The following CPNE8 variants were observed in gnomAD, a reference collection of about 807,000 sequenced individuals.
CPNE8 encodes the protein copine-8.
Under a neutral mutation model 81.5 loss-of-function variants are expected in CPNE8, and 45 were observed. The ratio of observed to expected loss-of-function variants is 0.55; its 90% CI spans 0.44 to 0.71. CPNE8 has a LOEUF of 0.71. CPNE8 is among the 30% of genes least tolerant of loss of function. CPNE8 has a pLI of 0.00. For missense variants in CPNE8, 594 were observed against 672.1 expected (o/e 0.88, Z 1.28); for synonymous variants, 252 against 226.3 (o/e 1.11, Z -1.02).
Position 38,693,725 on chromosome 12 carries a change from T to G in CPNE8, c.1075A>C (p.Met359Leu). ...EIVQDYDSDK[M>L]FPALGFGAKL... ...GCACCAAATCCTAGAGCTGGAAACA[T>G]TTTATCACTGTCATAATCTTGAACA... The change falls in exon 15 of 20, where the codon ATG becomes CTG. Residue 359 changes from methionine to leucine, a missense_variant. Transcript: ENST00000331366. The G allele has an allele frequency of 6.2e-7, 1 of 1,613,682 alleles. No homozygotes were observed. Among genetic ancestry groups the G allele is most frequent in the Non-Finnish European group, 8.5e-7 (1 of 1,179,720 alleles).
intron 6 of CPNE8, among the ~76,000 whole-genome samples, chr12:38,812,378 G>A (rs1234191354): frequency 6.6e-6 from 1 of 152,184 alleles, no homozygotes; most frequent in African/African-American, 2.4e-5. Flanking sequence ...GTTCAGCATG[G>A]CTGGAGAGGC....
intron 7 of CPNE8, 74 bp downstream of exon 7, chr12:38,776,164 T>C (rs755210626): frequency 1.9e-5 from 13 of 680,818 alleles, no homozygotes; most frequent in Non-Finnish European, 2.8e-5. Context: ...TAAAAATTAA[T>C]TAGTTAAGTA....
chr12:38,659,242 T>C (rs1480256093), intron 19 of CPNE8, among the ~76,000 whole-genome samples: 1 of 148,378 alleles, frequency 6.7e-6, no homozygotes, highest in East Asian at 2.0e-4. Flanking sequence ...AAAGCGGGGA[T>C]TGCAATGCTA....
intron 15 of CPNE8, among the ~76,000 whole-genome samples, chr12:38,693,343 C>G (rs1434871321): frequency 6.6e-6 from 1 of 151,978 alleles, no homozygotes; most frequent in East Asian, 1.9e-4. Context: ...TCCTGAGGCA[C>G]AAATCATAAG....
At chr12:38,812,554 C>A (rs1942955505) in intron 6 of CPNE8, among the ~76,000 whole-genome samples, 1 of 152,120 alleles carries the variant, frequency 6.6e-6, no homozygotes, top group African/African-American at 2.4e-5. Context: ...GGTAACCACC[C>A]CCATGATTCA....
intron 1 of CPNE8, among the ~76,000 whole-genome samples, chr12:38,904,471 T>A (rs761706799): frequency 2.6e-5 from 1 of 38,310 alleles, no homozygotes. Flanking sequence ...TTTTTTTTTG[T>A]TTTTTTTTTT....
At position 38,671,759 on chromosome 12, in the gene CPNE8, A is replaced by T. The variant is rs147356264; in HGVS notation, c.1433-957T>A. The stretch of plus-strand genomic sequence containing the variant: ...CTTTACTCTTTTCTTCAGTGCTTAG[A>T]TAATGCATTTGGGTTGAAAACATTG... On this transcript the variant is annotated intron_variant, in intron 18 of 19. Transcript: ENST00000331366. Among the ~76,000 whole-genome samples the T allele has an allele frequency of 7.9e-3, 1,206 of 152,210 alleles. 12 individuals carry two copies. The highest frequency in any genetic ancestry group is 0.041 in the Middle Eastern group (12 of 294).
At chr12:38,696,372 T>TAA (rs58877067) in intron 14 of CPNE8, among the ~76,000 whole-genome samples, 14 of 138,846 alleles carry the variant, frequency 1.0e-4, no homozygotes, top group Admixed American at 2.2e-4. Flanking sequence ...TGTTCTATAC[T>TAA]AAAAAAAAAA....
chr12:38,653,575 G>A lies in CPNE8; in HGVS notation c.*307C>T, dbSNP rs1014471569. On this transcript the variant is annotated 3_prime_UTR_variant, in exon 20 of 20. Coordinates refer to ENST00000331366, the MANE Select transcript of CPNE8 (RefSeq NM_153634.3). ...AATATTTGAGTTAAAAACACAGTTT[G>A]TGCTTTTTCCCAACAATACATTGGA... 4.6e-6 allele frequency: 1 copy of A among 218,286 alleles called. No homozygotes were observed. The highest frequency in any genetic ancestry group is 2.4e-5 in the African/African-American group (1 of 41,250). 13.5% of individuals were successfully genotyped at this position (218,286 alleles called of 1,614,324 possible).
intron 7 of CPNE8, among the ~76,000 whole-genome samples, chr12:38,773,649 A>T (rs771471291): frequency 6.6e-6 from 1 of 152,170 alleles, no homozygotes; most frequent in Non-Finnish European, 1.5e-5. Flanking sequence ...AACTCGTTTT[A>T]AAGAAAAATG....
At chr12:38,774,857 G>A (rs1262469241) in intron 7 of CPNE8, among the ~76,000 whole-genome samples, 1 of 152,100 alleles carries the variant, frequency 6.6e-6, no homozygotes, top group East Asian at 1.9e-4. Flanking sequence ...CAAAGACAAT[G>A]AGCACAACAA....
chr12:38,821,340 T>G (rs903128656), intron 6 of CPNE8, among the ~76,000 whole-genome samples: 30 of 152,158 alleles, frequency 2.0e-4, no homozygotes, highest in African/African-American at 6.0e-4. Context: ...CTAGTAAAGA[T>G]TTGTTGAATA....
intron 10 of CPNE8, among the ~76,000 whole-genome samples, chr12:38,753,728 A>G (rs1268883817): frequency 1.3e-5 from 2 of 152,298 alleles, no homozygotes; most frequent in South Asian, 4.1e-4. Context: ...AGGTGAGTAC[A>G]GTACAATAAG....
intron 11 of CPNE8, among the ~76,000 whole-genome samples, chr12:38,729,074 C>A (rs919968480): frequency 4.6e-5 from 7 of 152,020 alleles, no homozygotes; most frequent in Non-Finnish European, 5.9e-5. Context: ...GCTACAAAAG[C>A]TAGAGAAACT....
At chr12:38,675,655 A>C (rs191982859) in intron 18 of CPNE8, 62 bp downstream of exon 18, 44 of 1,060,686 alleles carry the variant, frequency 4.1e-5, no homozygotes, top group Admixed American at 1.9e-4. Flanking sequence ...CAGAAACCCA[A>C]GAGCATGTTA....
intron 3 of CPNE8, among the ~76,000 whole-genome samples, chr12:38,868,701 T>C (rs892316725): frequency 2.0e-5 from 3 of 152,210 alleles, no homozygotes; most frequent in African/African-American, 7.2e-5. Context: ...GACTAAATAT[T>C]ATCTATTTGT....
intron 1 of CPNE8, among the ~76,000 whole-genome samples, chr12:38,889,086 C>G (rs1944275011): frequency 6.6e-6 from 1 of 152,236 alleles, no homozygotes; most frequent in Non-Finnish European, 1.5e-5. Flanking sequence ...CTGTCTGACA[C>G]TCATTCAAAT....
At chr12:38,841,738 A>G (rs1422152582) in intron 4 of CPNE8, among the ~76,000 whole-genome samples, 2 of 152,190 alleles carry the variant, frequency 1.3e-5, no homozygotes, top group African/African-American at 4.8e-5. Flanking sequence ...CTGGCAATAC[A>G]TACATGCCAC....
intron 6 of CPNE8, among the ~76,000 whole-genome samples, chr12:38,790,918 T>C (rs900473547): frequency 6.6e-6 from 1 of 151,618 alleles, no homozygotes; most frequent in Non-Finnish European, 1.5e-5. Context: ...CTCTTACTAT[T>C]TCTCCTTTAT....
Sources: gnomAD v4.1 joint callset for allele counts (sites outside exome capture counted in the v4.1 genomes callset) on GRCh38, gnomAD v4.1.1 for gene constraint, MANE v1.5 for transcripts, NCBI Gene and HGNC (gene_info 2026-07-23, HGNC 2026-07-21) for gene names.